The following SLC6A17 variants were observed in gnomAD, a reference collection of about 807,000 sequenced individuals.
SLC6A17 encodes sodium-dependent neutral amino acid transporter SLC6A17.
A neutral mutation model predicts 64.5 loss-of-function variants in SLC6A17; 21 were observed. The ratio of observed to expected loss-of-function variants is 0.33; its 90% CI spans 0.23 to 0.47. The LOEUF (loss-of-function observed/expected upper bound fraction) is 0.47, where lower values mean the gene tolerates loss of function less well. Among genes scored for constraint, SLC6A17 ranks in the 20% least tolerant of loss-of-function variants. The pLI, the probability that SLC6A17 is intolerant of heterozygous loss-of-function variation, is 1.00. For missense variants in SLC6A17, 682 were observed against 963.2 expected (o/e 0.71, Z 3.86); for synonymous variants, 372 against 399.5 (o/e 0.93, Z 0.82).
intron 1 of SLC6A17, among the ~76,000 whole-genome samples, chr1:110,158,582 A>G (rs1441188988): frequency 6.6e-6 from 1 of 152,260 alleles, no homozygotes. Flanking sequence ...TTTTATACTC[A>G]TGACAACCCT....
At chr1:110,157,871 A>G (rs1655799939) in intron 1 of SLC6A17, among the ~76,000 whole-genome samples, 1 of 152,086 alleles carries the variant, frequency 6.6e-6, no homozygotes, top group African/African-American at 2.4e-5. Context: ...TCTGCTCTGA[A>G]TGCTTTCCCA....
chr1:110,197,335 A>G, intron 10 of SLC6A17, 102 bp from the exon 11 acceptor site: 1 of 1,421,744 alleles, frequency 7.0e-7, no homozygotes, highest in South Asian at 1.3e-5. Flanking sequence ...CCCAGGAGGG[A>G]GGGACTGGGA....
intron 3 of SLC6A17, 90 bp downstream of exon 3, chr1:110,172,307 G>A: frequency 6.8e-7 from 1 of 1,464,282 alleles, no homozygotes; most frequent in African/African-American, 1.4e-5. Flanking sequence ...CCAGGCCAGA[G>A]TCCTACGTCA....
Position 110,195,577 on chromosome 1 carries a change from T to C in SLC6A17, c.1493-9T>C, listed in dbSNP as rs748160325. On this transcript the variant is annotated splice_polypyrimidine_tract_variant and intron_variant, in intron 9 of 11. Coordinates refer to ENST00000331565, the MANE Select transcript of SLC6A17 (RefSeq NM_001010898.4). ...TTTGCCCCCAAACCGGCCTCCCGGC[T>C]CTCTGTAGTGGGCTGCTGTGTCTTT... 6.2e-7 allele frequency: 1 copy of C among 1,613,948 alleles called. No individual in the cohort carries two copies. The highest frequency in any genetic ancestry group is 8.5e-7 in the Non-Finnish European group (1 of 1,179,958).
At chr1:110,151,076 CG>C (rs1396253526) in intron 1 of SLC6A17, among the ~76,000 whole-genome samples, 193 bp downstream of exon 1, 1 of 152,218 alleles carries the variant, frequency 6.6e-6, no homozygotes, top group Non-Finnish European at 1.5e-5. Context: ...GACGGAGCCC[CG>C]GGGCCCGCTC....
At chr1:110,197,316 A>G (rs1026989917) in intron 10 of SLC6A17, 121 bp from the exon 11 acceptor site, 4 of 1,328,188 alleles carry the variant, frequency 3.0e-6, no homozygotes, top group Non-Finnish European at 4.1e-6. Context: ...AATGTGAAGA[A>G]TAGAAGAGCC....
chr1:110,160,413 C>T (rs537561579), intron 1 of SLC6A17, among the ~76,000 whole-genome samples: 1 of 152,368 alleles, frequency 6.6e-6, no homozygotes, highest in Admixed American at 6.5e-5. Context: ...CCTGTAAATA[C>T]CATGTTCTGC....
chr1:110,193,505 C>T (rs950826428), intron 8 of SLC6A17, among the ~76,000 whole-genome samples: 5 of 152,274 alleles, frequency 3.3e-5, no homozygotes, highest in African/African-American at 9.6e-5. Context: ...GGAGCCAAGG[C>T]TCACATGGGG....
At chr1:110,164,057 C>T (rs1446586254) in intron 1 of SLC6A17, among the ~76,000 whole-genome samples, 5 of 152,212 alleles carry the variant, frequency 3.3e-5, no homozygotes, top group East Asian at 1.9e-4. Flanking sequence ...CTTTAGTATC[C>T]GGCCCTTCCA....
intron 1 of SLC6A17, among the ~76,000 whole-genome samples, chr1:110,165,488 C>T (rs970868252): frequency 6.6e-6 from 1 of 152,202 alleles, no homozygotes; most frequent in Non-Finnish European, 1.5e-5. Context: ...ACTAAAGACT[C>T]ACTGTTCCCT....
intron 3 of SLC6A17, chr1:110,172,430 C>T: frequency 1.6e-6 from 1 of 622,504 alleles, no homozygotes; most frequent in East Asian, 3.1e-5. Context: ...CCTGAAACAG[C>T]ATGGAAGATT....
chr1:110,192,314 T>G lies in SLC6A17; in HGVS notation c.1106+101T>G. The G allele has an allele frequency of 6.6e-7, 1 of 1,511,722 alleles. No homozygotes were observed. The highest frequency in any genetic ancestry group is 9.0e-7 in the Non-Finnish European group (1 of 1,114,742). 93.6% of individuals were successfully genotyped at this position (1,511,722 alleles called of 1,614,324 possible). On this transcript the variant is annotated intron_variant, in intron 7 of 11. Coordinates refer to ENST00000331565, the MANE Select transcript of SLC6A17 (RefSeq NM_001010898.4). This position sits in a 1 kb window ranked among gnomAD's most constrained non-coding sequence, Gnocchi z 4.3. The stretch of plus-strand genomic sequence containing the variant: ...GGTGTGCATGGGGAGAGAGGTCCCC[T>G]CCACTCAGACTGAGGAATGGAGATC...
In SLC6A17 at chr1:110,199,885, G is replaced by C. The variant is rs367858564; in HGVS notation, c.*1441G>C. 2.0e-5 allele frequency: 8 copies of C among 391,914 alleles called. No homozygotes were observed. The highest frequency in any genetic ancestry group is 3.6e-5 in the Non-Finnish European group (8 of 222,484). 24.3% of individuals were successfully genotyped at this position (391,914 alleles called of 1,614,324 possible). A position where few individuals can be genotyped will look rare whatever the true frequency, so the allele number is the denominator to read the frequency against. ...GATGGATGGATGGGTTGGGGAGTGGGGGTGGATGGATGGATAGATGGATGG... is the reference window on the plus strand; with the variant it reads ...GATGGATGGATGGGTTGGGGAGTGGCGGTGGATGGATGGATAGATGGATGG... On this transcript the variant is annotated 3_prime_UTR_variant, in exon 12 of 12. Transcript: ENST00000331565.
In SLC6A17 at chr1:110,192,959, T is replaced by C. The variant is rs535371642; in HGVS notation, c.1299+261T>C. Among the ~76,000 whole-genome samples, 2 of 152,332 alleles carry C rather than the reference T, an allele frequency of 1.3e-5. No homozygotes were observed. Among genetic ancestry groups the C allele is most frequent in the East Asian group, 1.9e-4 (1 of 5,194 alleles). ...AAGTCACAGTAAGTGTATGGGACGA[T>C]GTTTCCATTTACTGAGTGGGCTTCT... On this transcript the variant is annotated intron_variant, in intron 8 of 11. Transcript: ENST00000331565. The surrounding 1 kb of genome is among the most constrained non-coding windows in gnomAD (Gnocchi z 4.3).
intron 1 of SLC6A17, among the ~76,000 whole-genome samples, chr1:110,155,323 GT>G (rs555516945): frequency 2.0e-5 from 3 of 152,114 alleles, no homozygotes; most frequent in Non-Finnish European, 2.9e-5. Flanking sequence ...GGCAAATCCA[GT>G]TTTTTTTAAA....
rs1040806855 is a variant in SLC6A17 at position 110,179,635 on chromosome 1, C to T, written c.864+2896C>T. Among the ~76,000 whole-genome samples the T allele has an allele frequency of 6.0e-5, 9 of 150,728 alleles. No homozygotes were observed. In the South Asian group the frequency reaches 1.3e-3, roughly 21 times the overall value. On this transcript the variant is annotated intron_variant, in intron 6 of 11. Transcript: ENST00000331565. ...ATGGCACGATCTCAGCTCACCACAACGTCCACCTCCCGGGTTCAAGCTATT... is the reference window on the plus strand; with the variant it reads ...ATGGCACGATCTCAGCTCACCACAATGTCCACCTCCCGGGTTCAAGCTATT...
chr1:110,176,577 G>T, intron 5 of SLC6A17, 52 bp from the exon 6 acceptor site: 1 of 1,541,134 alleles, frequency 6.5e-7, no homozygotes, highest in Non-Finnish European at 9.0e-7. Flanking sequence ...GATGGGGGGT[G>T]CCAGCTGCAG....
intron 8 of SLC6A17, among the ~76,000 whole-genome samples, chr1:110,193,288 A>G (rs1275008137): frequency 6.6e-6 from 1 of 151,914 alleles, no homozygotes; most frequent in Non-Finnish European, 1.5e-5. Context: ...CCCCTCCCCA[A>G]CCTGTCCCCA....
rs115370007 is a variant in SLC6A17, at chr1:110,170,146, C to A, written c.287-1914C>A. 7.1e-3 allele frequency among the ~76,000 whole-genome samples: 1,084 copies of A among 152,286 alleles called. 15 individuals carry two copies. The highest frequency in any genetic ancestry group is 0.025 in the African/African-American group (1,030 of 41,546). On this transcript the variant is annotated intron_variant, in intron 2 of 11. Coordinates refer to ENST00000331565, the MANE Select transcript of SLC6A17 (RefSeq NM_001010898.4). Reference sequence around the variant, plus strand: ...TTTGCAGACACCCTGAAACTCACATCCCTGCACATCTTGCCCCACCCAGAA... The same window carrying A: ...TTTGCAGACACCCTGAAACTCACATACCTGCACATCTTGCCCCACCCAGAA...
Sources: allele counts gnomAD v4.1 joint callset (sites outside exome capture counted in the v4.1 genomes callset), GRCh38; gene constraint gnomAD v4.1.1; non-coding constraint Gnocchi (gnomAD v3.1); transcripts MANE v1.5; gene names NCBI Gene and HGNC (gene_info 2026-07-23, HGNC 2026-07-21).